CCDC30: variants seen among roughly 807,000 people sequenced by gnomAD.
The protein encoded by CCDC30 is coiled-coil domain-containing protein 30.
Under a neutral mutation model 100.2 loss-of-function variants are expected in CCDC30, and 70 were observed. That is an observed-to-expected ratio of 0.70 (90% CI 0.58 to 0.85). The LOEUF (loss-of-function observed/expected upper bound fraction) is 0.85. Among genes scored for constraint, CCDC30 ranks in the 40% least tolerant of loss-of-function variants. The pLI is 0.00. For synonymous variants in CCDC30, 233 were observed against 269.5 expected (o/e 0.86, Z 1.33); for missense variants, 652 against 771.2 (o/e 0.85, Z 1.83).
chr1:42,586,925 AT>A (rs1646082234), intron 9 of CCDC30, among the ~76,000 whole-genome samples: 1 of 152,074 alleles, frequency 6.6e-6, no homozygotes, highest in African/African-American at 2.4e-5. Flanking sequence ...TTAGTCTTTT[AT>A]TTTTCAAACT....
chr1:42,608,264 C>A (rs1646544164), intron 10 of CCDC30, among the ~76,000 whole-genome samples: 1 of 152,168 alleles, frequency 6.6e-6, no homozygotes, highest in Non-Finnish European at 1.5e-5. Flanking sequence ...GGAAGAGAAC[C>A]CCGATAGAGA....
intron 6 of CCDC30, among the ~76,000 whole-genome samples, chr1:42,549,767 C>G (rs746402679): frequency 5.3e-5 from 8 of 152,190 alleles, no homozygotes; most frequent in Non-Finnish European, 8.8e-5. Flanking sequence ...GCAACTGAAT[C>G]CGAAGTTGGA....
At chr1:42,590,071 T>C (rs1646154631) in intron 10 of CCDC30, 1 of 152,198 alleles carries the variant, frequency 6.6e-6, no homozygotes, top group Non-Finnish European at 1.5e-5. Flanking sequence ...CTCACGATAA[T>C]GAATTATTGC....
At chr1:42,547,014 ATAGAAGGAGATTATTTTGCGAGTTTG>A (rs1348957368) in intron 6 of CCDC30, among the ~76,000 whole-genome samples, 30 of 152,232 alleles carry the variant, frequency 2.0e-4, no homozygotes, top group Non-Finnish European at 2.9e-4. Context: ...TGTTCTAAAG[ATAGAAGGAGATTATTTTGCGAGTTTG>A]GGGCTCCTAA....
intron 3 of CCDC30, among the ~76,000 whole-genome samples, chr1:42,487,110 CAA>C (rs58763328): frequency 0.13 from 11,805 of 90,494 alleles, 297 homozygotes; most frequent in East Asian, 0.17. Flanking sequence ...TGCCCTGTCT[CAA>C]AAAAAAAAAA....
intron 10 of CCDC30, chr1:42,592,837 G>T (rs1010098022): frequency 2.6e-5 from 4 of 152,208 alleles, no homozygotes; most frequent in African/African-American, 9.7e-5. Flanking sequence ...CATCATGATT[G>T]TGAGCTTCCT....
intron 6 of CCDC30, among the ~76,000 whole-genome samples, chr1:42,546,542 G>A (rs530493071): frequency 6.7e-6 from 1 of 149,580 alleles, no homozygotes; most frequent in Admixed American, 6.7e-5. Flanking sequence ...TCTCACCAGG[G>A]AAAGATGTTA....
rs149353256 is a variant in CCDC30 at position 42,537,110 on chromosome 1, C to G, written c.457-29186C>G. On this transcript the variant is annotated intron_variant, in intron 6 of 16. Coordinates refer to ENST00000668663, the Ensembl canonical transcript of CCDC30. Reference sequence around the variant, plus strand: ...TTTCTATAATAATAATGGGGTAGCTCTGTTGTTTCTCCAAGCTGAGTTCTA... The same window carrying G: ...TTTCTATAATAATAATGGGGTAGCTGTGTTGTTTCTCCAAGCTGAGTTCTA... 6.7e-6 allele frequency: 3 copies of G among 446,096 alleles called. No individual in the cohort carries two copies. The East Asian group carries it at 2.1e-4, about 31-fold the overall frequency. The allele number at this position is 446,096 out of a possible 1,614,324, so 27.6% of individuals were successfully genotyped here.
intron 4 of CCDC30, chr1:42,491,850 A>T: frequency 2.8e-6 from 1 of 362,082 alleles, no homozygotes; most frequent in Non-Finnish European, 5.3e-6. Context: ...AGCACTTGCT[A>T]TGTTCAATAT....
At chr1:42,476,997 C>A (rs372255911) in intron 1 of CCDC30, among the ~76,000 whole-genome samples, 3 of 150,388 alleles carry the variant, frequency 2.0e-5, no homozygotes, top group Admixed American at 6.6e-5. Flanking sequence ...ACTGGGTAGA[C>A]TGAATTTTCT....
At chr1:42,619,741 A>C (rs1333517659) in intron 11 of CCDC30, among the ~76,000 whole-genome samples, 1 of 152,204 alleles carries the variant, frequency 6.6e-6, no homozygotes, top group Non-Finnish European at 1.5e-5. Flanking sequence ...CAAAGGAAGG[A>C]AGGCCCTCAG....
At chr1:42,625,393 ATT>A (rs1646914210) in intron 11 of CCDC30, among the ~76,000 whole-genome samples, 1 of 151,104 alleles carries the variant, frequency 6.6e-6, no homozygotes, top group South Asian at 2.1e-4. Context: ...GATCTTTATG[ATT>A]TCTTTTCTTC....
At chr1:42,467,235 A>C (rs1284524376) in intron 1 of CCDC30, among the ~76,000 whole-genome samples, 1 of 152,244 alleles carries the variant, frequency 6.6e-6, no homozygotes, top group Admixed American at 6.5e-5. Context: ...AAGGTTAAGC[A>C]GCAAGTGATT....
chr1:42,560,735 A>T (rs1645469969), intron 6 of CCDC30, among the ~76,000 whole-genome samples: 1 of 152,174 alleles, frequency 6.6e-6, no homozygotes, highest in Non-Finnish European at 1.5e-5. Context: ...AAGAAGGGAG[A>T]TAAGCATCAA....
At chr1:42,542,364 C>G (rs1339451505) in intron 6 of CCDC30, among the ~76,000 whole-genome samples, 2 of 151,928 alleles carry the variant, frequency 1.3e-5, no homozygotes, top group Non-Finnish European at 2.9e-5. Flanking sequence ...CTAAACTCCA[C>G]TGTTTTATCC....
chr1:42,518,272 T>C (rs1644585304), intron 6 of CCDC30, among the ~76,000 whole-genome samples: 1 of 152,324 alleles, frequency 6.6e-6, no homozygotes, highest in South Asian at 2.1e-4. Flanking sequence ...AGATTGTTCA[T>C]TGTTAGAGTA....
rs887932119 is a variant in CCDC30, at chr1:42,596,863, C to T, written c.1164+7380C>T. On this transcript the variant is annotated intron_variant, in intron 10 of 16. Transcript: ENST00000668663. This position sits in a 1 kb window ranked among gnomAD's most constrained non-coding sequence, Gnocchi z 4.3. ...ATTGAAAATAACTGTGATTAATGTG[C>T]TAAGGGCTCTAAGGAATAAAGTAGA... Among the ~76,000 whole-genome samples the T allele has an allele frequency of 6.6e-6, 1 of 152,004 alleles. No homozygotes were observed. The highest frequency in any genetic ancestry group is 1.5e-5 in the Non-Finnish European group (1 of 68,018).
chr1:42,570,418 T>G (rs1208923644), intron 7 of CCDC30, among the ~76,000 whole-genome samples: 1 of 152,142 alleles, frequency 6.6e-6, no homozygotes, highest in Non-Finnish European at 1.5e-5. Flanking sequence ...TTAAATCATT[T>G]TGTTATAAAA....
At chr1:42,496,572 T>C (rs1644236040) in intron 4 of CCDC30, among the ~76,000 whole-genome samples, 1 of 152,090 alleles carries the variant, frequency 6.6e-6, no homozygotes, top group South Asian at 2.1e-4. Context: ...TGAACAAAAC[T>C]ATGTAGTTTG....
Sources: gnomAD v4.1 joint callset for allele counts (sites outside exome capture counted in the v4.1 genomes callset) on GRCh38, gnomAD v4.1.1 for gene constraint, Gnocchi (gnomAD v3.1) non-coding constraint, MANE v1.5 for transcripts, NCBI Gene and HGNC (gene_info 2026-07-23, HGNC 2026-07-21) for gene names.